SNTB1: variants seen among roughly 807,000 people sequenced by gnomAD.
SNTB1 encodes syntrophin beta 1, also known as beta-1-syntrophin.
SNTB1 carries 36 observed loss-of-function variants against 48.9 expected under a neutral mutation model. That is an observed-to-expected ratio of 0.74 (90% CI 0.56 to 0.97). The LOEUF (loss-of-function observed/expected upper bound fraction) is 0.97. Ranked by LOEUF, SNTB1 falls within the 50% of genes least tolerant of loss-of-function variation. The pLI, the probability that SNTB1 is intolerant of heterozygous loss-of-function variation, is 0.00. For synonymous variants in SNTB1, 299 were observed against 294.6 expected, an observed-to-expected ratio of 1.01 and a Z score of -0.15; for missense variants, 786 against 703.4, an observed-to-expected ratio of 1.12 and a Z score of -1.33.
At chr8:120,643,041 G>T in intron 2 of SNTB1, among the ~76,000 whole-genome samples, 1 of 152,210 alleles carries the variant, frequency 6.6e-6, no homozygotes, top group East Asian at 1.9e-4. Flanking sequence ...TGCTGACAGG[G>T]GTTGCAGGCA....
chr8:120,665,253 A>C (rs898473336), intron 2 of SNTB1, among the ~76,000 whole-genome samples: 1 of 152,124 alleles, frequency 6.6e-6, no homozygotes, highest in Non-Finnish European at 1.5e-5. Context: ...GGAGTTCAAG[A>C]CCAGCCTGGC....
intron 2 of SNTB1, among the ~76,000 whole-genome samples, chr8:120,685,146 C>T (rs967168998): frequency 9.9e-5 from 15 of 152,200 alleles, no homozygotes; most frequent in African/African-American, 3.6e-4. Flanking sequence ...GCAGGAGTTG[C>T]ACACTGATGG....
chr8:120,569,974 C>T (rs1390315305), intron 4 of SNTB1, among the ~76,000 whole-genome samples: 1 of 152,156 alleles, frequency 6.6e-6, no homozygotes, highest in African/African-American at 2.4e-5. Context: ...TTGTCCTTCC[C>T]CTCCTCCTTT....
Position 120,799,689 on chromosome 8 carries a change from G to A in SNTB1, c.571+11584C>T, listed in dbSNP as rs77277072. On this transcript the variant is annotated intron_variant, in intron 1 of 6. Transcript: ENST00000517992. ...CCAATGTTCAGTTAATAGGATTTCC[G>A]CATGCAGATAGTGTAAGAGTCTTCA... Among the ~76,000 whole-genome samples the A allele has an allele frequency of 1.4e-3, 216 of 152,068 alleles. 2 individuals are homozygous for A. The East Asian group carries it at 0.024, about 17-fold the overall frequency.
chr8:120,760,644 G>A (rs868761964), intron 1 of SNTB1, among the ~76,000 whole-genome samples: 6 of 152,210 alleles, frequency 3.9e-5, no homozygotes, highest in Middle Eastern at 6.8e-3. Context: ...TCCTGCAGGG[G>A]AGGGGAAAAG....
At chr8:120,542,933 G>T (rs920285092) in intron 5 of SNTB1, among the ~76,000 whole-genome samples, 8 of 152,162 alleles carry the variant, frequency 5.3e-5, no homozygotes, top group African/African-American at 1.9e-4. Flanking sequence ...TGGAAAAGCT[G>T]CTGTTGCTGA....
chr8:120,794,119 T>A (rs1264216017), intron 1 of SNTB1, among the ~76,000 whole-genome samples: 11 of 152,106 alleles, frequency 7.2e-5, no homozygotes. Context: ...TGGGCAGAGA[T>A]GGTGAATTCA....
intron 4 of SNTB1, among the ~76,000 whole-genome samples, chr8:120,566,941 T>A (rs1281108454): frequency 1.3e-5 from 2 of 152,182 alleles, no homozygotes; most frequent in Non-Finnish European, 2.9e-5. Flanking sequence ...AACTTTTATA[T>A]ATGATACACT....
chr8:120,645,542 T>C (rs1423997533), intron 2 of SNTB1, among the ~76,000 whole-genome samples: 16 of 150,406 alleles, frequency 1.1e-4, no homozygotes, highest in Non-Finnish European at 2.4e-4. Flanking sequence ...TTGGTACCAG[T>C]ACCATGCTGT....
rs192359225 is a variant in SNTB1, at chr8:120,562,244, A to G, written c.1136+12842T>C. 9.1e-4 allele frequency among the ~76,000 whole-genome samples: 138 copies of G among 152,322 alleles called. 1 individual carries two copies. The highest frequency in any genetic ancestry group is 3.1e-3 in the African/African-American group (127 of 41,578). ...GCTATCTCAATCAGTCCTATCAATC[A>G]CTGTATAAAATGGAAGATACTACCG... On this transcript the variant is annotated intron_variant, in intron 4 of 6. Transcript: ENST00000517992.
chr8:120,548,979 ACATCATCAAAATG>A (rs1359830815), intron 4 of SNTB1, 21 bp from the exon 5 acceptor site: 2 of 1,525,018 alleles, frequency 1.3e-6, no homozygotes, highest in Non-Finnish European at 1.8e-6. Context: ...AGAGAGAGAG[ACATCATCAAAATG>A]GAGACTAGTT....
At chr8:120,650,105 G>A (rs1176062795) in intron 2 of SNTB1, among the ~76,000 whole-genome samples, 1 of 152,232 alleles carries the variant, frequency 6.6e-6, no homozygotes, top group Non-Finnish European at 1.5e-5. Flanking sequence ...ACCTCAGATG[G>A]AAATGCAGAA....
intron 3 of SNTB1, among the ~76,000 whole-genome samples, chr8:120,602,713 AAC>A (rs1374381700): frequency 6.6e-6 from 1 of 152,146 alleles, no homozygotes; most frequent in Non-Finnish European, 1.5e-5. Context: ...ACACTACATA[AAC>A]ACAATCTAAT....
chr8:120,763,598 TTC>T (rs1819463499), intron 1 of SNTB1, among the ~76,000 whole-genome samples: 2 of 152,222 alleles, frequency 1.3e-5, no homozygotes, highest in African/African-American at 4.8e-5. Context: ...AAAAAATTTT[TTC>T]TGCATGAAAA....
intron 2 of SNTB1, among the ~76,000 whole-genome samples, chr8:120,676,179 C>T (rs1453794250): frequency 1.3e-5 from 2 of 152,318 alleles, no homozygotes; most frequent in Admixed American, 6.5e-5. Flanking sequence ...TGTTTGAAGT[C>T]TCATGTTGTA....
chr8:120,725,953 T>C (rs1411023879), intron 1 of SNTB1, among the ~76,000 whole-genome samples: 2 of 152,186 alleles, frequency 1.3e-5, no homozygotes, highest in Non-Finnish European at 2.9e-5. Context: ...AACATAAAGT[T>C]ATCACTGTTG....
intron 1 of SNTB1, among the ~76,000 whole-genome samples, chr8:120,799,327 C>T (rs775018847): frequency 1.3e-5 from 2 of 151,930 alleles, no homozygotes; most frequent in Non-Finnish European, 2.9e-5. Context: ...ATGCATAGCA[C>T]ACTCAAAAAC....
At chr8:120,620,500 G>A (rs1437845147) in intron 3 of SNTB1, among the ~76,000 whole-genome samples, 3 of 151,708 alleles carry the variant, frequency 2.0e-5, no homozygotes, top group Non-Finnish European at 4.4e-5. Flanking sequence ...GCCCTTCCCT[G>A]CCTCCCACAT....
chr8:120,648,334 C>T lies in SNTB1; in HGVS notation c.789-15683G>A, dbSNP rs1299766526. 9.4e-3 allele frequency among the ~76,000 whole-genome samples: 1,432 copies of T among 151,694 alleles called. 4 individuals are homozygous for T. Among genetic ancestry groups the T allele is most frequent in the African/African-American group, 0.033 (1,374 of 41,336 alleles). On this transcript the variant is annotated intron_variant, in intron 2 of 6. Coordinates refer to ENST00000517992, the MANE Select transcript of SNTB1 (RefSeq NM_021021.4). ...TGTTCCTTTCCATGTTTAGTGCTTC[C>T]TTCAGGAGCTCTTGTAAGGCAGGCC...
Sources: allele counts gnomAD v4.1 joint callset (sites outside exome capture counted in the v4.1 genomes callset), GRCh38; gene constraint gnomAD v4.1.1; transcripts MANE v1.5; gene names NCBI Gene and HGNC (gene_info 2026-07-23, HGNC 2026-07-21).